Variants in NTRK2 observed in about 807,000 individuals in gnomAD.
NTRK2 encodes BDNF/NT-3 growth factors receptor.
A neutral mutation model predicts 94.5 loss-of-function variants in NTRK2; 13 were observed. The ratio of observed to expected loss-of-function variants is 0.14; its 90% CI spans 0.09 to 0.22. NTRK2 has a LOEUF of 0.22. Ranked by LOEUF, NTRK2 falls within the 10% of genes least tolerant of loss-of-function variation. The pLI, the probability that NTRK2 is intolerant of heterozygous loss-of-function variation, is 1.00. For missense variants in NTRK2, 639 were observed against 1,071.2 expected, an observed-to-expected ratio of 0.60 and a Z score of 5.63; for synonymous variants, 372 against 407.4, an observed-to-expected ratio of 0.91 and a Z score of 1.05.
chr9:84,671,815 A>G (rs137869309), intron 2 of NTRK2, among the ~76,000 whole-genome samples: 30 of 152,318 alleles, frequency 2.0e-4, no homozygotes, highest in African/African-American at 6.3e-4. Flanking sequence ...GTGTATTTCT[A>G]TTCTCCTTTT....
chr9:85,017,520 A>G (rs577892880), intron 17 of NTRK2, among the ~76,000 whole-genome samples: 277 of 152,322 alleles, frequency 1.8e-3, no homozygotes, highest in African/African-American at 6.4e-3. Context: ...TAGCTGTCTT[A>G]CCTGAGACAT....
intron 2 of NTRK2, among the ~76,000 whole-genome samples, chr9:84,688,514 G>A (rs151021616): frequency 1.3e-5 from 2 of 152,188 alleles, no homozygotes; most frequent in African/African-American, 4.8e-5. Context: ...ATCAAGTTTT[G>A]TGATATTATC....
intron 17 of NTRK2, among the ~76,000 whole-genome samples, chr9:85,008,093 T>C (rs752701788): frequency 6.6e-6 from 1 of 152,052 alleles, no homozygotes; most frequent in Non-Finnish European, 1.5e-5. Flanking sequence ...CATGTGATCC[T>C]CTGGACACAC....
intron 11 of NTRK2, among the ~76,000 whole-genome samples, chr9:84,751,212 T>G (rs908447412): frequency 6.6e-6 from 1 of 152,166 alleles, no homozygotes; most frequent in Admixed American, 6.5e-5. Flanking sequence ...AGCCTTTTAT[T>G]ATGGACAATT....
intron 14 of NTRK2, among the ~76,000 whole-genome samples, chr9:84,896,010 C>T (rs2076747209): frequency 6.6e-6 from 1 of 152,154 alleles, no homozygotes; most frequent in Admixed American, 6.5e-5. Context: ...TTGAGTAAGC[C>T]TCTCACCCTC....
Position 85,024,592 on chromosome 9 carries a change from C to T in NTRK2, c.*3155C>T, listed in dbSNP as rs147918913. On this transcript the variant is annotated 3_prime_UTR_variant, in exon 19 of 19. Coordinates refer to ENST00000277120, the MANE Select transcript of NTRK2 (RefSeq NM_006180.6). ...ATCCAAGTACTCTCACTCTGAACTT[C>T]GTGGTTCTGTCCACTAGAGACTCTA... 293 of 232,994 alleles carry T rather than the reference C, an allele frequency of 1.3e-3. 2 individuals are homozygous for T. Among genetic ancestry groups the T allele is most frequent in the African/African-American group, 5.9e-3 (269 of 45,470 alleles). The allele number at this position is 232,994 out of a possible 1,614,324, so 14.4% of individuals were successfully genotyped here.
At chr9:84,999,638 G>T (rs899350747) in intron 17 of NTRK2, among the ~76,000 whole-genome samples, 4 of 152,204 alleles carry the variant, frequency 2.6e-5, no homozygotes, top group African/African-American at 9.7e-5. Context: ...ATGTGGAAGA[G>T]AATAGTGTGT....
intron 17 of NTRK2, among the ~76,000 whole-genome samples, chr9:84,988,106 TA>T (rs1430289001): frequency 1.3e-5 from 2 of 152,222 alleles, no homozygotes; most frequent in Non-Finnish European, 2.9e-5. Context: ...TGTGGGTTGG[TA>T]GTTTCAGTAG....
intron 12 of NTRK2, among the ~76,000 whole-genome samples, chr9:84,784,663 C>T (rs978184853): frequency 1.3e-5 from 2 of 152,196 alleles, no homozygotes; most frequent in Non-Finnish European, 2.9e-5. Flanking sequence ...TCAACAAATA[C>T]TTATTTAGTG....
chr9:84,815,285 A>G (rs1230607318), intron 12 of NTRK2: 6 of 1,051,832 alleles, frequency 5.7e-6, no homozygotes, highest in Non-Finnish European at 6.9e-6. Context: ...ACCCCTAACT[A>G]CTGACTATGA....
chr9:84,795,987 T>G (rs1312130127), intron 12 of NTRK2, among the ~76,000 whole-genome samples: 1 of 151,922 alleles, frequency 6.6e-6, no homozygotes, highest in Non-Finnish European at 1.5e-5. Context: ...GTAGCTAAGA[T>G]TCTTTAATTT....
intron 12 of NTRK2, chr9:84,814,474 AC>A (rs1275447042): frequency 5.6e-6 from 6 of 1,065,778 alleles, no homozygotes; most frequent in Admixed American, 5.3e-5. Context: ...TTCTAAACTG[AC>A]CCCATGACCA....
At chr9:84,872,147 G>T in intron 14 of NTRK2, 3 of 1,242,846 alleles carry the variant, frequency 2.4e-6, no homozygotes, top group Non-Finnish European at 3.1e-6. Flanking sequence ...TCGTTTAGAC[G>T]TGTCTGAACA....
At chr9:85,008,115 T>C (rs1370365020) in intron 17 of NTRK2, among the ~76,000 whole-genome samples, 12 of 151,956 alleles carry the variant, frequency 7.9e-5, no homozygotes. Flanking sequence ...GGCAAATGTT[T>C]GGGTGTCTTG....
intron 12 of NTRK2, among the ~76,000 whole-genome samples, chr9:84,804,124 C>T (rs1011018925): frequency 7.9e-5 from 12 of 151,976 alleles, no homozygotes; most frequent in East Asian, 5.8e-4. Flanking sequence ...ATTTTATTTT[C>T]ACCTACACTC....
intron 10 of NTRK2, among the ~76,000 whole-genome samples, chr9:84,744,394 A>T (rs2063888360): frequency 6.6e-6 from 1 of 152,166 alleles, no homozygotes; most frequent in Non-Finnish European, 1.5e-5. Flanking sequence ...GTGTGGACCC[A>T]AGTTTCATAC....
intron 14 of NTRK2, among the ~76,000 whole-genome samples, chr9:84,897,754 G>A (rs11140803): frequency 0.17 from 26,459 of 152,166 alleles, 2,330 homozygotes; most frequent in East Asian, 0.22. Flanking sequence ...CTGCCTGGTC[G>A]TGCATGTGTC....
At chr9:85,002,458 C>T (rs1302508040) in intron 17 of NTRK2, among the ~76,000 whole-genome samples, 1 of 152,158 alleles carries the variant, frequency 6.6e-6, no homozygotes, top group Non-Finnish European at 1.5e-5. Context: ...AGTTTGGGTT[C>T]CTCTTCTGCT....
intron 15 of NTRK2, among the ~76,000 whole-genome samples, chr9:84,937,939 A>G (rs2078267857): frequency 6.6e-6 from 1 of 152,160 alleles, no homozygotes; most frequent in South Asian, 2.1e-4. Flanking sequence ...CGTGGGATTC[A>G]TGGTCTCTCC....
Sources: gnomAD v4.1 joint callset for allele counts (sites outside exome capture counted in the v4.1 genomes callset) on GRCh38, gnomAD v4.1.1 for gene constraint, MANE v1.5 for transcripts, NCBI Gene and HGNC (gene_info 2026-07-23, HGNC 2026-07-21) for gene names.